STK17A: variants seen among roughly 807,000 people sequenced by gnomAD.
STK17A encodes the protein serine/threonine-protein kinase 17A.
STK17A carries 26 observed loss-of-function variants against 43.7 expected under a neutral mutation model. That is an observed-to-expected ratio of 0.60 (90% CI 0.44 to 0.83). STK17A has a LOEUF of 0.83. Ranked by LOEUF, STK17A falls within the 40% of genes least tolerant of loss-of-function variation. The pLI is 0.00. For missense variants in STK17A, 476 were observed against 511.6 expected (o/e 0.93, Z 0.67); for synonymous variants, 191 against 182.5 (o/e 1.05, Z -0.38).
chr7:43,603,191 C>T (rs1373243848), intron 2 of STK17A, among the ~76,000 whole-genome samples: 2 of 152,070 alleles, frequency 1.3e-5, no homozygotes, highest in East Asian at 1.9e-4. Context: ...TGCTTAGAAA[C>T]GTTTGGTGGC....
Position 43,585,849 on chromosome 7 carries a change from T to C in STK17A, c.206+2400T>C, listed in dbSNP as rs529673474. ...ATTCAATAAATGTTATTATTTTAAA[T>C]GTAACCCAAAAAGAAAACCTGCACA... On this transcript the variant is annotated intron_variant, in intron 1 of 6. Coordinates refer to ENST00000319357, the MANE Select transcript of STK17A (RefSeq NM_004760.3). Among the ~76,000 whole-genome samples, 94 of 151,724 alleles carry C rather than the reference T, an allele frequency of 6.2e-4. No individual in the cohort carries two copies. The South Asian group carries it at 7.7e-3, about 12-fold the overall frequency.
intron 2 of STK17A, among the ~76,000 whole-genome samples, chr7:43,601,344 A>C (rs570105721): frequency 6.6e-6 from 1 of 152,336 alleles, no homozygotes; most frequent in South Asian, 2.1e-4. Context: ...GTGCATTTCT[A>C]ATTTATGATA....
intron 3 of STK17A, among the ~76,000 whole-genome samples, chr7:43,618,154 A>G (rs1298777608): frequency 6.6e-6 from 1 of 152,206 alleles, no homozygotes; most frequent in Non-Finnish European, 1.5e-5. Context: ...ACAAACAGCT[A>G]ACAGAACAAT....
chr7:43,594,122 G>A (rs1285380033), intron 1 of STK17A, among the ~76,000 whole-genome samples: 1 of 152,192 alleles, frequency 6.6e-6, no homozygotes. Context: ...GGTGGGCATG[G>A]TGGCATGTGC....
At chr7:43,613,542 T>G (rs1376386262) in intron 3 of STK17A, among the ~76,000 whole-genome samples, 1 of 152,074 alleles carries the variant, frequency 6.6e-6, no homozygotes, top group African/African-American at 2.4e-5. Flanking sequence ...TGCTCATGGT[T>G]AAAAGTAGAC....
chr7:43,590,409 C>T (rs1157956806), intron 1 of STK17A, among the ~76,000 whole-genome samples: 1 of 151,322 alleles, frequency 6.6e-6, no homozygotes, highest in Non-Finnish European at 1.5e-5. Context: ...TTAGGGAGCT[C>T]GGACTGGTGG....
intron 3 of STK17A, among the ~76,000 whole-genome samples, chr7:43,614,722 TAAC>T (rs2083189379): frequency 6.6e-6 from 1 of 152,250 alleles, no homozygotes; most frequent in South Asian, 2.1e-4. Context: ...CTCAGTTGTT[TAAC>T]TTCATTTTTA....
Position 43,589,109 on chromosome 7 carries a change from T to A in STK17A, c.206+5660T>A, listed in dbSNP as rs199887695. Among the ~76,000 whole-genome samples the A allele has an allele frequency of 4.6e-5, 7 of 151,502 alleles. No individual in the cohort carries two copies. The East Asian group carries it at 1.3e-3, about 29-fold the overall frequency. On this transcript the variant is annotated intron_variant, in intron 1 of 6. Coordinates refer to ENST00000319357, the MANE Select transcript of STK17A (RefSeq NM_004760.3). ...GTAGAAAAATTCAGTGAAGAGAGAA[T>A]GGCAAGTAGTCCAGTATATTAAATG...
chr7:43,619,561 TTA>T, intron 3 of STK17A, 34 bp from the exon 4 acceptor site: 2 of 1,606,166 alleles, frequency 1.2e-6, no homozygotes, highest in Non-Finnish European at 1.7e-6. Context: ...TTAATCATAG[TTA>T]TATTGATTTT....
intron 2 of STK17A, among the ~76,000 whole-genome samples, chr7:43,603,730 G>A (rs2082570621): frequency 6.6e-6 from 1 of 152,188 alleles, no homozygotes; most frequent in Non-Finnish European, 1.5e-5. Flanking sequence ...GTATGTGTAA[G>A]TGTAAACTTG....
At chr7:43,614,774 C>T (rs2083196868) in intron 3 of STK17A, among the ~76,000 whole-genome samples, 1 of 152,206 alleles carries the variant, frequency 6.6e-6, no homozygotes, top group South Asian at 2.1e-4. Context: ...ATGCATGTAA[C>T]AGGGCCTAGA....
intron 1 of STK17A, among the ~76,000 whole-genome samples, chr7:43,591,207 A>G (rs959860392): frequency 4.0e-5 from 6 of 151,594 alleles, no homozygotes; most frequent in African/African-American, 9.7e-5. Context: ...TCAGCAAACT[A>G]CAGCCAGCCA....
At chr7:43,614,802 T>G (rs1480757392) in intron 3 of STK17A, among the ~76,000 whole-genome samples, 2 of 152,242 alleles carry the variant, frequency 1.3e-5, no homozygotes, top group Non-Finnish European at 2.9e-5. Context: ...TACAATAAGA[T>G]TTTAATAATT....
At chr7:43,593,696 TA>T (rs35017052) in intron 1 of STK17A, among the ~76,000 whole-genome samples, 40,755 of 146,224 alleles carry the variant, frequency 0.28, 5,835 homozygotes, top group East Asian at 0.44. Flanking sequence ...TCTGTTCATA[TA>T]AAAAAAAAAA....
intron 2 of STK17A, among the ~76,000 whole-genome samples, chr7:43,604,109 A>G (rs528695955): frequency 6.6e-6 from 1 of 152,320 alleles, no homozygotes; most frequent in Admixed American, 6.5e-5. Flanking sequence ...AGCATTCACT[A>G]TGTGCCAGGC....
intron 2 of STK17A, among the ~76,000 whole-genome samples, chr7:43,607,386 C>T (rs979170935): frequency 4.0e-5 from 6 of 151,822 alleles, no homozygotes; most frequent in African/African-American, 9.7e-5. Context: ...TGGTGGCTCA[C>T]GCCTGTAATC....
intron 2 of STK17A, among the ~76,000 whole-genome samples, chr7:43,600,443 T>TTG (rs1352560110): frequency 6.6e-6 from 1 of 152,202 alleles, no homozygotes; most frequent in African/African-American, 2.4e-5. Flanking sequence ...GCATCTGTGA[T>TTG]TGTGTCTTTC....
intron 4 of STK17A, among the ~76,000 whole-genome samples, chr7:43,621,698 T>C (rs2083908771): frequency 6.6e-6 from 1 of 152,188 alleles, no homozygotes. Flanking sequence ...TGATTTGTTT[T>C]AGAGCTTTCT....
At chr7:43,589,948 A>G (rs928579057) in intron 1 of STK17A, among the ~76,000 whole-genome samples, 8 of 86,418 alleles carry the variant, frequency 9.3e-5, no homozygotes, top group African/African-American at 2.5e-4. Context: ...ATTTTATTTT[A>G]TTTTATTTTA....
Sources: gnomAD v4.1 joint callset for allele counts (sites outside exome capture counted in the v4.1 genomes callset) on GRCh38, gnomAD v4.1.1 for gene constraint, MANE v1.5 for transcripts, NCBI Gene and HGNC (gene_info 2026-07-23, HGNC 2026-07-21) for gene names.